The following HS3ST4 variants were observed in gnomAD, a reference collection of about 807,000 sequenced individuals.
The protein encoded by HS3ST4 is heparan sulfate glucosamine 3-O-sulfotransferase 4.
In HS3ST4, 17 loss-of-function variants were observed where a neutral mutation model predicts 29.2. The ratio of observed to expected loss-of-function variants is 0.58; its 90% CI spans 0.40 to 0.87. HS3ST4 has a LOEUF of 0.87. HS3ST4 is among the 40% of genes least tolerant of loss of function. The pLI is 0.00. For missense variants in HS3ST4, 627 were observed against 634.5 expected (o/e 0.99, Z 0.13); for synonymous variants, 314 against 285.7 (o/e 1.10, Z -1.00).
intron 1 of HS3ST4, among the ~76,000 whole-genome samples, chr16:25,865,454 G>A (rs1215932244): frequency 6.6e-6 from 1 of 152,058 alleles, no homozygotes; most frequent in Admixed American, 6.5e-5. Flanking sequence ...CCATTCGTAT[G>A]TCTTCTTTTA....
chr16:25,798,571 A>G (rs1235137704), intron 1 of HS3ST4, among the ~76,000 whole-genome samples: 2 of 152,206 alleles, frequency 1.3e-5, no homozygotes, highest in Non-Finnish European at 1.5e-5. Flanking sequence ...AGAAAGCCAC[A>G]TGGACCATTC....
At chr16:25,912,119 G>A (rs554685804) in intron 1 of HS3ST4, among the ~76,000 whole-genome samples, 5 of 152,260 alleles carry the variant, frequency 3.3e-5, no homozygotes, top group Non-Finnish European at 2.9e-5. Flanking sequence ...GCCCATCTGT[G>A]TTCTTAGTAA....
intron 1 of HS3ST4, among the ~76,000 whole-genome samples, chr16:25,725,108 T>C (rs1412096889): frequency 2.0e-5 from 3 of 151,936 alleles, no homozygotes; most frequent in African/African-American, 7.3e-5. Context: ...CAGGATACTT[T>C]TAATTCTACT....
chr16:25,756,814 C>A (rs1022328654), intron 1 of HS3ST4, among the ~76,000 whole-genome samples: 15 of 152,160 alleles, frequency 9.9e-5, no homozygotes, highest in African/African-American at 1.4e-4. Flanking sequence ...TATAGCACAG[C>A]AAAGAAGCAA....
At chr16:26,028,208 G>A (rs1262920900) in intron 1 of HS3ST4, among the ~76,000 whole-genome samples, 1 of 149,294 alleles carries the variant, frequency 6.7e-6, no homozygotes, top group Non-Finnish European at 1.5e-5. Flanking sequence ...GGGAAGCAGA[G>A]GTTGCAGTGA....
chr16:25,702,826 A>G (rs1277916215), intron 1 of HS3ST4, among the ~76,000 whole-genome samples: 1 of 152,108 alleles, frequency 6.6e-6, no homozygotes, highest in African/African-American at 2.4e-5. Context: ...TAGAAGAACC[A>G]TGCCCAAGGA....
intron 1 of HS3ST4, among the ~76,000 whole-genome samples, chr16:25,939,774 T>C (rs1968555063): frequency 6.6e-6 from 1 of 152,154 alleles, no homozygotes; most frequent in Admixed American, 6.6e-5. Flanking sequence ...TTAAAACGTG[T>C]TCACTGGAAA....
chr16:25,947,812 C>T (rs1041986219), intron 1 of HS3ST4, among the ~76,000 whole-genome samples: 6 of 151,970 alleles, frequency 3.9e-5, no homozygotes, highest in African/African-American at 7.3e-5. Flanking sequence ...GTGCAGGCTT[C>T]GAGGCAATGC....
At chr16:25,959,486 A>T (rs1332628815) in intron 1 of HS3ST4, among the ~76,000 whole-genome samples, 2 of 152,184 alleles carry the variant, frequency 1.3e-5, no homozygotes, top group East Asian at 3.9e-4. Context: ...GGGTGGTTTT[A>T]CAAAGAAGTC....
rs544141040 is a variant in HS3ST4 at position 26,032,512 on chromosome 16, TAC to T, written c.735-103096_735-103095del. The T allele has an allele frequency of 1.2e-4, 166 of 1,338,212 alleles. No individual in the cohort carries two copies. The African/African-American group carries it at 1.9e-3, about 15-fold the overall frequency. The allele number at this position is 1,338,212 out of a possible 1,614,324, so 82.9% of individuals were successfully genotyped here. A position where few individuals can be genotyped will look rare whatever the true frequency, so the allele number is the denominator to read the frequency against. On this transcript the variant is annotated intron_variant, in intron 1 of 1. Coordinates refer to ENST00000331351, the MANE Select transcript of HS3ST4 (RefSeq NM_006040.3). The stretch of plus-strand genomic sequence containing the variant: ...TTCCAAACTGTACAGTCACCAGAAG[TAC>T]ACAGTTATCAAAAATGCACACACTT...
intron 1 of HS3ST4, among the ~76,000 whole-genome samples, chr16:26,079,800 CTCT>C (rs1898704376): frequency 6.6e-6 from 1 of 152,158 alleles, no homozygotes; most frequent in South Asian, 2.1e-4. Context: ...CTGTTCTCGA[CTCT>C]ATTTCAGACA....
chr16:25,939,557 T>C (rs1490014902), intron 1 of HS3ST4, among the ~76,000 whole-genome samples: 1 of 152,100 alleles, frequency 6.6e-6, no homozygotes, highest in African/African-American at 2.4e-5. Flanking sequence ...CAGGCTGGTC[T>C]GGAACTCCCA....
chr16:25,707,095 C>A (rs1966380611), intron 1 of HS3ST4, among the ~76,000 whole-genome samples: 1 of 152,140 alleles, frequency 6.6e-6, no homozygotes, highest in Non-Finnish European at 1.5e-5. Flanking sequence ...CAGCAGCTGT[C>A]TTGGTTATCA....
intron 1 of HS3ST4, among the ~76,000 whole-genome samples, chr16:25,957,117 C>T (rs1009965179): frequency 6.6e-6 from 1 of 151,502 alleles, no homozygotes; most frequent in Admixed American, 6.6e-5. Context: ...GTGGTGAAGG[C>T]AGGAAGAGGC....
At chr16:26,036,672 C>T (rs1969586297) in intron 1 of HS3ST4, among the ~76,000 whole-genome samples, 1 of 152,160 alleles carries the variant, frequency 6.6e-6, no homozygotes, top group Non-Finnish European at 1.5e-5. Flanking sequence ...ATTAAACAAT[C>T]AAGCCAGGTC....
intron 1 of HS3ST4, among the ~76,000 whole-genome samples, chr16:25,966,770 G>C (rs553794539): frequency 6.6e-6 from 1 of 152,300 alleles, no homozygotes; most frequent in East Asian, 1.9e-4. Context: ...TGATGGTCGT[G>C]GTGGGCAGTG....
At chr16:25,828,119 C>T (rs1369758852) in intron 1 of HS3ST4, among the ~76,000 whole-genome samples, 1 of 150,830 alleles carries the variant, frequency 6.6e-6, no homozygotes, top group Non-Finnish European at 1.5e-5. Context: ...ACCTCATAAG[C>T]AGCCCTTCCC....
At chr16:25,903,920 C>T (rs1342261053) in intron 1 of HS3ST4, among the ~76,000 whole-genome samples, 1 of 152,126 alleles carries the variant, frequency 6.6e-6, no homozygotes, top group Non-Finnish European at 1.5e-5. Context: ...ATTTCCAGCA[C>T]CTAAATAGTT....
chr16:25,986,923 G>A (rs1021324223), intron 1 of HS3ST4, among the ~76,000 whole-genome samples: 4 of 152,210 alleles, frequency 2.6e-5, no homozygotes, highest in African/African-American at 9.6e-5. Flanking sequence ...TCATTAACAG[G>A]GAAACATAAG....
Sources: gnomAD v4.1 joint callset for allele counts (sites outside exome capture counted in the v4.1 genomes callset) on GRCh38, gnomAD v4.1.1 for gene constraint, MANE v1.5 for transcripts, NCBI Gene and HGNC (gene_info 2026-07-23, HGNC 2026-07-21) for gene names.